The following SRPRA variants were observed in gnomAD, a reference collection of about 807,000 sequenced individuals.
SRPRA encodes the protein SRP receptor subunit alpha.
SRPRA carries 30 observed loss-of-function variants against 61.1 expected under a neutral mutation model. The ratio of observed to expected loss-of-function variants is 0.49; its 90% CI spans 0.37 to 0.67. The LOEUF (loss-of-function observed/expected upper bound fraction) is 0.67, where lower values mean the gene tolerates loss of function less well. SRPRA is among the 30% of genes least tolerant of loss of function. The probability of loss-of-function intolerance (pLI) is 0.00; values close to 1 mark genes in which losing one functional copy is unlikely to be tolerated. For synonymous variants in SRPRA, 324 were observed against 299.7 expected (o/e 1.08, Z -0.84); for missense variants, 759 against 828.4 (o/e 0.92, Z 1.03).
In SRPRA at chr11:126,266,499, C is replaced by T. The variant is rs1244767994; in HGVS notation, c.817G>A (p.Ala273Thr). 4 of 1,614,006 alleles carry T rather than the reference C, an allele frequency of 2.5e-6. No individual in the cohort carries two copies. The highest frequency in any genetic ancestry group is 2.2e-5 in the East Asian group (1 of 44,878). The change falls in exon 6 of 14, where the codon GCC (alanine) becomes ACC (threonine). Residue 273 changes from alanine (A) to threonine (T), a missense_variant. Coordinates refer to ENST00000332118, the MANE Select transcript of SRPRA (RefSeq NM_003139.4). Reference sequence around the variant, plus strand: ...ACCAGGTTGATGTCCTCAGACAAGGCAGCCTCAGGGGTTCCATTGGTGGTG... The same window carrying T: ...ACCAGGTTGATGTCCTCAGACAAGGTAGCCTCAGGGGTTCCATTGGTGGTG... ...TPTTNGTPEAALSEDINLIRG... is the reference protein window; with the variant it reads ...TPTTNGTPEATLSEDINLIRG...
rs1235306279 is a variant in SRPRA, at chr11:126,267,664, C to T, written c.250G>A (p.Asp84Asn). ...TCCCGAAACAGCCGATGCACGTCAT[C>T]TATCAATTTGTCTACATATGTCAGT... ...LTLTYVDKLIDDVHRLFRDKY... is the reference protein window; with the variant it reads ...LTLTYVDKLINDVHRLFRDKY... Residue 84 changes from aspartate (D) to asparagine (N), a missense_variant, in exon 3 of 14, where the codon GAT becomes AAT. Physicochemically the swap from Asp to Asn is conservative, Grantham distance 23 (BLOSUM62 1). Around this residue, in one of 2 missense-constraint regions of SRPRA, gnomAD observed 475 missense variants for 462.5 expected, o/e 1.03. Transcript: ENST00000332118. This position sits in a 1 kb window ranked among gnomAD's most constrained non-coding sequence, Gnocchi z 4.2. 1.2e-6 allele frequency: 2 copies of T among 1,614,142 alleles called. No homozygotes were observed. The highest frequency in any genetic ancestry group is 1.7e-5 in the Admixed American group (1 of 60,030).
rs1950741282 is a variant in SRPRA at position 126,263,324 on chromosome 11, C to T, written c.*592G>A. The stretch of plus-strand genomic sequence containing the variant: ...GAGGGAAGCAAGGACTCATCTTTTG[C>T]TCATTTGTAACAAATCACTCCAGCC... On this transcript the variant is annotated 3_prime_UTR_variant, in exon 14 of 14. Transcript: ENST00000332118. 6.6e-6 allele frequency: 1 copy of T among 152,628 alleles called. No homozygotes were observed. The highest frequency in any genetic ancestry group is 1.5e-5 in the Non-Finnish European group (1 of 68,086). 9.5% of individuals were successfully genotyped at this position (152,628 alleles called of 1,614,324 possible).
rs1950741814 is a variant in SRPRA at position 126,263,375 on chromosome 11, G to A, written c.*541C>T. 2 of 152,876 alleles carry A rather than the reference G, an allele frequency of 1.3e-5. No individual in the cohort carries two copies. Among genetic ancestry groups the A allele is most frequent in the Admixed American group, 6.5e-5 (1 of 15,292 alleles). The allele number at this position is 152,876 out of a possible 1,614,324, so 9.5% of individuals were successfully genotyped here. A position where few individuals can be genotyped will look rare whatever the true frequency, so the allele number is the denominator to read the frequency against. On this transcript the variant is annotated 3_prime_UTR_variant, in exon 14 of 14. Coordinates refer to ENST00000332118, the MANE Select transcript of SRPRA (RefSeq NM_003139.4). ...TAGCTGATGCTTTGGGGTAAACAAT[G>A]GAGTAGGAGTCATCATCAGAATTAG...
chr11:126,264,388 G>A lies in SRPRA; in HGVS notation c.1677C>T (p.Ala559=), dbSNP rs761582671. The change falls in exon 12 of 14, where the codon GCC becomes GCT. Residue 559 remains alanine (A), a synonymous_variant. Coordinates refer to ENST00000332118, the MANE Select transcript of SRPRA (RefSeq NM_003139.4). The surrounding 1 kb of genome is among the most constrained non-coding windows in gnomAD (Gnocchi z 5.0). ...FVGEALVGNE[A]VDQLVKFNRA... is the part of the protein sequence containing the mutation. ...CCCACGCTCTCACCAGCTGGTCCAC[G>A]GCTTCATTGCCTACTAAGGCTTCTC... is the stretch of plus-strand genomic sequence containing the variant. 6.2e-6 allele frequency: 10 copies of A among 1,614,176 alleles called. No individual in the cohort carries two copies. The highest frequency in any genetic ancestry group is 3.3e-5 in the South Asian group (3 of 91,082).
chr11:126,264,758 T>G lies in SRPRA; in HGVS notation c.1525+201A>C. 2 of 757,128 alleles carry G rather than the reference T, an allele frequency of 2.6e-6. No individual in the cohort carries two copies. Among genetic ancestry groups the G allele is most frequent in the Non-Finnish European group, 4.2e-6 (2 of 480,920 alleles). 46.9% of individuals were successfully genotyped at this position (757,128 alleles called of 1,614,324 possible). A position where few individuals can be genotyped will look rare whatever the true frequency, so the allele number is the denominator to read the frequency against. Reference sequence around the variant, plus strand: ...GGATGAAGGTGACCAAATTCAGGTTTCTCTGGTTAAGGTATATTAGCTTTG... The same window carrying G: ...GGATGAAGGTGACCAAATTCAGGTTGCTCTGGTTAAGGTATATTAGCTTTG... On this transcript the variant is annotated intron_variant, in intron 11 of 13. Transcript: ENST00000332118. The surrounding 1 kb of genome is among the most constrained non-coding windows in gnomAD (Gnocchi z 5.0).
At chr11:126,238,668 T>C in the SRPRA span, among the ~76,000 whole-genome samples, 1 of 152,192 alleles carries the variant, frequency 6.6e-6, no homozygotes, top group East Asian at 1.9e-4. Flanking sequence ...AAGGGAAACC[T>C]CTAGCCTGCT....
the SRPRA span, among the ~76,000 whole-genome samples, chr11:126,255,545 A>G: frequency 6.6e-6 from 1 of 152,140 alleles, no homozygotes; most frequent in South Asian, 2.1e-4. The surrounding 1 kb of genome is among the most constrained non-coding windows in gnomAD (Gnocchi z 4.6). Flanking sequence ...CCTTGAGCAA[A>G]TCCGATGATG....
the SRPRA span, among the ~76,000 whole-genome samples, chr11:126,242,924 A>G: frequency 1.3e-4 from 20 of 152,370 alleles, no homozygotes; most frequent in East Asian, 1.9e-3. Flanking sequence ...TCATGTTCAT[A>G]GCAACGTTAT....
chr11:126,240,722 TCAGA>T, the SRPRA span: 74 of 1,442,734 alleles, frequency 5.1e-5, no homozygotes, highest in East Asian at 1.5e-3. Flanking sequence ...GTAACCTGAG[TCAGA>T]CAGTCTTTCT....
Position 126,266,326 on chromosome 11 carries a change from T to C in SRPRA, c.841-48A>G, listed in dbSNP as rs1440391573. 5 of 1,605,832 alleles carry C rather than the reference T, an allele frequency of 3.1e-6. No homozygotes were observed. The East Asian group carries it at 8.9e-5, about 29-fold the overall frequency. ...GTGGGGTCAGGAACACTAAGGTCTC[T>C]GAGGAAAACGTCCACATTGCTCTAT... On this transcript the variant is annotated intron_variant, in intron 6 of 13. Coordinates refer to ENST00000332118, the MANE Select transcript of SRPRA (RefSeq NM_003139.4).
rs1565348260 is a variant in SRPRA at position 126,268,106 on chromosome 11, C to CA, written c.118-21dup. 3 of 1,611,524 alleles carry CA rather than the reference C, an allele frequency of 1.9e-6. No individual in the cohort carries two copies. The Admixed American group carries it at 5.0e-5, about 27-fold the overall frequency. On this transcript the variant is annotated intron_variant, in intron 1 of 13. Transcript: ENST00000332118. The stretch of plus-strand genomic sequence containing the variant: ...CCGTTCCTGGAGAAAGAGTATGTCT[C>CA]AGTGTTCAGACTATCCCCAGAAAAC...
the SRPRA span, among the ~76,000 whole-genome samples, chr11:126,253,040 A>C: frequency 6.6e-6 from 1 of 152,204 alleles, no homozygotes; most frequent in African/African-American, 2.4e-5. The surrounding 1 kb of genome is among the most constrained non-coding windows in gnomAD (Gnocchi z 5.1). Flanking sequence ...GTCTAAAAAC[A>C]AACAAACAAA....
At chr11:126,240,273 TTC>T in the SRPRA span, among the ~76,000 whole-genome samples, 1 of 151,744 alleles carries the variant, frequency 6.6e-6, no homozygotes, top group Non-Finnish European at 1.5e-5. Context: ...CACTTTTTTT[TTC>T]TTTTTTTTTT....
chr11:126,245,194 G>A, the SRPRA span: 2 of 151,842 alleles, frequency 1.3e-5, no homozygotes, highest in African/African-American at 4.8e-5. Context: ...AAATGGAGCA[G>A]GTCAAAACTC....
chr11:126,261,518 T>A, downstream of SRPRA: 1 of 1,564,778 alleles, frequency 6.4e-7, no homozygotes, highest in Non-Finnish European at 8.8e-7. Context: ...TTTATCACTC[T>A]GTAGCAGAAA....
the SRPRA span, among the ~76,000 whole-genome samples, chr11:126,239,593 G>A: frequency 1.8e-4 from 27 of 152,142 alleles, no homozygotes; most frequent in Admixed American, 1.1e-3. Context: ...CATGACTCCC[G>A]TAGTGTCTGG....
At chr11:126,240,877 C>A in the SRPRA span, 2 of 1,614,072 alleles carry the variant, frequency 1.2e-6, no homozygotes, top group Non-Finnish European at 1.7e-6. Flanking sequence ...AGTTGCGCCC[C>A]AAGTTCCAGC....
the SRPRA span, among the ~76,000 whole-genome samples, chr11:126,247,947 T>G: frequency 6.9e-6 from 1 of 145,696 alleles, no homozygotes; most frequent in Admixed American, 7.0e-5. Context: ...ATTTTTGTAC[T>G]CTGACTCACA....
At chr11:126,239,854 C>T in the SRPRA span, among the ~76,000 whole-genome samples, 15 of 152,088 alleles carry the variant, frequency 9.9e-5, no homozygotes, top group Non-Finnish European at 4.4e-5. Context: ...TGCAGAAGCT[C>T]GGGTTAGGGA....
Sources: allele counts gnomAD v4.1 joint callset (sites outside exome capture counted in the v4.1 genomes callset), GRCh38; gene constraint gnomAD v4.1.1; regional missense constraint gnomAD v4.1.1; non-coding constraint Gnocchi (gnomAD v3.1); transcripts MANE v1.5; gene names NCBI Gene and HGNC (gene_info 2026-07-23, HGNC 2026-07-21).